Variants in ITPR1 observed in about 807,000 individuals in gnomAD.
ITPR1 encodes the protein inositol 1,4,5-trisphosphate receptor type 1.
ITPR1 carries 96 observed loss-of-function variants against 318.4 expected under a neutral mutation model. That is an observed-to-expected ratio of 0.30 (90% CI 0.26 to 0.36). The LOEUF (loss-of-function observed/expected upper bound fraction) is 0.36, where lower values mean the gene tolerates loss of function less well. Among genes scored for constraint, ITPR1 ranks in the 10% least tolerant of loss-of-function variants. The pLI is 1.00. For synonymous variants in ITPR1, 1,312 were observed against 1,289.9 expected (o/e 1.02, Z -0.37); for missense variants, 2,440 against 3,460.2 (o/e 0.71, Z 7.40).
intron 4 of ITPR1, among the ~76,000 whole-genome samples, chr3:4,609,052 AT>A (rs1159898240): frequency 4.8e-3 from 15 of 3,124 alleles, no homozygotes; most frequent in African/African-American, 8.9e-3. Context: ...CAACAACGAA[AT>A]ATATATATAT....
chr3:4,642,182 C>A lies in ITPR1; in HGVS notation c.456C>A (p.Asp152Glu). Residue 152 changes from aspartate (D) to glutamate (E), a missense_variant, in exon 7 of 62, where the codon GAC (aspartate) becomes GAA (glutamate). By Grantham distance (45) the Asp-to-Glu change is conservative. Transcript: ENST00000649015. Reference sequence around the variant, plus strand: ...AGAATGCCATGAGAGTCACATTGGACGAGGCTGGAAATGAAGGGTCCTGGT... The same window carrying A: ...AGAATGCCATGAGAGTCACATTGGAAGAGGCTGGAAATGAAGGGTCCTGGT... ...LEKNAMRVTL[D>E]EAGNEGSWFY... The A allele has an allele frequency of 6.2e-7, 1 of 1,606,822 alleles. No individual in the cohort carries two copies. The highest frequency in any genetic ancestry group is 8.5e-7 in the Non-Finnish European group (1 of 1,176,346).
At chr3:4,818,023 T>C in intron 59 of ITPR1, 59 bp from the exon 60 acceptor site, 1 of 1,444,482 alleles carries the variant, frequency 6.9e-7, no homozygotes, top group Non-Finnish European at 9.3e-7. Flanking sequence ...CTGTTATTGA[T>C]TTTTTTTCTT....
rs1036601445 is a variant in ITPR1 at position 4,726,322 on chromosome 3, G to C, written c.5172+741G>C. ...TGGGATTACAGGCATGAGGCTCTGC[G>C]CCCAGCCTATGATGCAGTTAAAAAA... is the stretch of plus-strand genomic sequence containing the variant. On this transcript the variant is annotated intron_variant, in intron 41 of 61. Transcript: ENST00000649015. Among the ~76,000 whole-genome samples the C allele has an allele frequency of 2.7e-5, 4 of 146,382 alleles. No individual in the cohort carries two copies. The East Asian group carries it at 7.9e-4, about 29-fold the overall frequency.
chr3:4,620,680 GTTTTT>G lies in ITPR1; in HGVS notation c.164-7067_164-7063del, dbSNP rs66922925. 1.4e-3 allele frequency among the ~76,000 whole-genome samples: 175 copies of G among 128,150 alleles called. 1 individual carries two copies. Among genetic ancestry groups the G allele is most frequent in the East Asian group, 0.011 (48 of 4,428 alleles). 84.1% of individuals were successfully genotyped at this position (128,150 alleles called of 152,430 possible). On this transcript the variant is annotated intron_variant, in intron 4 of 61. Coordinates refer to ENST00000649015, the MANE Select transcript of ITPR1 (RefSeq NM_001378452.1). ...TTTTTTCTTCTAATTTTCTTTGTGG[GTTTTT>G]TTTTTTTTTTTTTTTGGTGGTAGTG...
In ITPR1 at chr3:4,522,769, G is replaced by A. The variant is rs561548684; in HGVS notation, c.163+1675G>A. ...GGGACAAGATCAATTGACTGTGCCA[G>A]GCCCTGTGCTAAGCACTCTGCCTGC... On this transcript the variant is annotated intron_variant, in intron 4 of 61. Transcript: ENST00000649015. Among the ~76,000 whole-genome samples the A allele has an allele frequency of 8.0e-4, 122 of 152,360 alleles. 1 individual carries two copies. The highest frequency in any genetic ancestry group is 1.0e-3 in the Admixed American group (16 of 15,304).
chr3:4,846,226 G>A lies in ITPR1; in HGVS notation c.*1G>A. The stretch of plus-strand genomic sequence containing the variant: ...TGTCAACCCACAACAACCAGCATAA[G>A]CAAATGAAAGAAAGGAATTGTATTT... On this transcript the variant is annotated 3_prime_UTR_variant, in exon 62 of 62. Transcript: ENST00000649015. 6.5e-7 allele frequency: 1 copy of A among 1,542,054 alleles called. No homozygotes were observed. Among genetic ancestry groups the A allele is most frequent in the Non-Finnish European group, 8.8e-7 (1 of 1,135,634 alleles).
chr3:4,575,928 G>A (rs1452576447), intron 4 of ITPR1, among the ~76,000 whole-genome samples: 1 of 151,846 alleles, frequency 6.6e-6, no homozygotes, highest in Non-Finnish European at 1.5e-5. Flanking sequence ...GTTGAGACAG[G>A]AGGATCGCTT....
chr3:4,595,916 G>A (rs1235503180), intron 4 of ITPR1: 1 of 152,102 alleles, frequency 6.6e-6, no homozygotes, highest in Non-Finnish European at 1.5e-5. Context: ...GAACTATGGT[G>A]ACTGTATGTT....
intron 41 of ITPR1, among the ~76,000 whole-genome samples, chr3:4,726,457 A>G (rs968404529): frequency 2.6e-5 from 4 of 152,228 alleles, no homozygotes; most frequent in Admixed American, 6.5e-5. Flanking sequence ...ACATATTTCC[A>G]AGTATCAAAA....
intron 44 of ITPR1, among the ~76,000 whole-genome samples, chr3:4,755,277 G>A (rs1188361594): frequency 1.3e-5 from 2 of 151,282 alleles, no homozygotes; most frequent in South Asian, 2.1e-4. Context: ...GGGGGACCAC[G>A]CTGCTTACCA....
intron 4 of ITPR1, among the ~76,000 whole-genome samples, chr3:4,612,685 G>C (rs1273298181): frequency 6.6e-6 from 1 of 151,998 alleles, no homozygotes; most frequent in African/African-American, 2.4e-5. Flanking sequence ...TCAGGAGTTT[G>C]AGACCAGCCT....
chr3:4,714,549 G>A (rs549030758), intron 39 of ITPR1, among the ~76,000 whole-genome samples: 7 of 152,194 alleles, frequency 4.6e-5, no homozygotes, highest in African/African-American at 1.2e-4. Flanking sequence ...CCGAGGTCAC[G>A]TGTGAAGTCT....
chr3:4,693,849 C>T lies in ITPR1; in HGVS notation c.4281+108C>T, dbSNP rs6793265. ...CTGGCCTGGGGGAGCCCTCATGGCT[C>T]TGAAAGCTGCAGCTCATTTTGTAGT... On this transcript the variant is annotated intron_variant, in intron 33 of 61. Transcript: ENST00000649015. The T allele has an allele frequency of 0.11, 130,639 of 1,170,966 alleles. 7,938 individuals are homozygous for T. The highest frequency in any genetic ancestry group is 0.13 in the Admixed American group (5,183 of 39,532). The allele number at this position is 1,170,966 out of a possible 1,614,324, so 72.5% of individuals were successfully genotyped here.
rs751132275 is a variant in ITPR1 at position 4,653,916 on chromosome 3, C to T, written c.996+30C>T. ...GTATGGACAAGAGCCTTCTTGTCTT[C>T]ATCTGGTAGGGTGCGGCCAAATGAT... On this transcript the variant is annotated intron_variant, in intron 12 of 61. Transcript: ENST00000649015. The T allele has an allele frequency of 5.2e-6, 8 of 1,539,670 alleles. No individual in the cohort carries two copies. The East Asian group carries it at 1.4e-4, about 26-fold the overall frequency.
intron 53 of ITPR1, among the ~76,000 whole-genome samples, chr3:4,797,489 C>T (rs1048848866): frequency 5.9e-5 from 9 of 152,146 alleles, no homozygotes; most frequent in African/African-American, 2.2e-4. Flanking sequence ...AGGTTTGCAA[C>T]TGCCAAGAAC....
intron 34 of ITPR1, among the ~76,000 whole-genome samples, 175 bp downstream of exon 34, chr3:4,697,447 C>T (rs1420381366): frequency 2.5e-5 from 2 of 79,664 alleles, no homozygotes; most frequent in Admixed American, 1.2e-4. Context: ...CTCATGTATC[C>T]TTTCTTCCTT....
Position 4,651,964 on chromosome 3 carries a change from A to G in ITPR1, c.856-159A>G, listed in dbSNP as rs1286278012. Among the ~76,000 whole-genome samples, 7 of 152,312 alleles carry G rather than the reference A, an allele frequency of 4.6e-5. No individual in the cohort carries two copies. In the East Asian group the frequency reaches 1.2e-3, roughly 25 times the overall value. ...AGACACTGCTTACTTTTCAGTTTGG[A>G]TGCTACACGTGACACTGGCAATGGG... On this transcript the variant is annotated intron_variant, in intron 10 of 61. Transcript: ENST00000649015.
chr3:4,565,297 T>C (rs2087112872), intron 4 of ITPR1, among the ~76,000 whole-genome samples: 1 of 152,172 alleles, frequency 6.6e-6, no homozygotes, highest in Non-Finnish European at 1.5e-5. Context: ...GATAGAATAG[T>C]CACAGCCACT....
chr3:4,547,721 A>G (rs1325455054), intron 4 of ITPR1, among the ~76,000 whole-genome samples: 3 of 152,176 alleles, frequency 2.0e-5, no homozygotes, highest in African/African-American at 4.8e-5. Context: ...CCCCCTTCAT[A>G]TGCAGTTACA....
Sources: allele counts gnomAD v4.1 joint callset (sites outside exome capture counted in the v4.1 genomes callset), GRCh38; gene constraint gnomAD v4.1.1; transcripts MANE v1.5; gene names NCBI Gene and HGNC (gene_info 2026-07-23, HGNC 2026-07-21).